CTNNA3: variants seen among roughly 807,000 people sequenced by gnomAD.
CTNNA3 encodes catenin alpha-3.
A neutral mutation model predicts 95.7 loss-of-function variants in CTNNA3; 76 were observed. The observed-to-expected ratio is 0.79, with a 90% CI of 0.66 to 0.96. The LOEUF is 0.96. Ranked by LOEUF, CTNNA3 falls within the 40% of genes least tolerant of loss-of-function variation. The pLI is 0.00. For missense variants in CTNNA3, 1,191 were observed against 1,089.8 expected, an observed-to-expected ratio of 1.09 and a Z score of -1.31; for synonymous variants, 431 against 374.4, an observed-to-expected ratio of 1.15 and a Z score of -1.74.
intron 7 of CTNNA3, among the ~76,000 whole-genome samples, chr10:67,177,650 G>T (rs115160703): frequency 0.016 from 2,480 of 152,234 alleles, 67 homozygotes; most frequent in African/African-American, 0.056. Context: ...GGTGAGCAAG[G>T]TTTGAGTTCA....
At chr10:67,715,268 T>C (rs186415878) in intron 1 of CTNNA3, among the ~76,000 whole-genome samples, 1 of 152,338 alleles carries the variant, frequency 6.6e-6, no homozygotes. Context: ...ATCATGTTAA[T>C]GACTTGGATA....
chr10:67,207,792 A>G (rs1281081584), intron 6 of CTNNA3, among the ~76,000 whole-genome samples: 4 of 152,198 alleles, frequency 2.6e-5, no homozygotes, highest in Admixed American at 2.0e-4. Context: ...ATACTGTATA[A>G]TCTAGATTAA....
At chr10:67,697,940 A>C (rs180987018), upstream of CTNNA3, among the ~76,000 whole-genome samples, 18 of 152,142 alleles carry the variant, frequency 1.2e-4, no homozygotes, top group Non-Finnish European at 2.1e-4. Flanking sequence ...CCTATGTCAA[A>C]TTTCCATAGC....
chr10:66,774,365 G>A (rs1840210332), intron 8 of CTNNA3, among the ~76,000 whole-genome samples: 1 of 152,136 alleles, frequency 6.6e-6, no homozygotes, highest in South Asian at 2.1e-4. Context: ...CTCTTAGGCA[G>A]GTCACCTCAC....
rs146404201 is a variant in CTNNA3 at position 67,438,054 on chromosome 10, A to C, written c.579+83788T>G. ...TGCTAAAAAAAAAGAAAAAGACTGC[A>C]TTTGAAAGAGCAACAAATAATGGCT... is the stretch of plus-strand genomic sequence containing the variant. On this transcript the variant is annotated intron_variant, in intron 5 of 17. Coordinates refer to ENST00000433211, the MANE Select transcript of CTNNA3 (RefSeq NM_013266.4). 6.0e-3 allele frequency among the ~76,000 whole-genome samples: 918 copies of C among 152,282 alleles called. 12 individuals are homozygous for C. The highest frequency in any genetic ancestry group is 0.021 in the African/African-American group (878 of 41,574).
At chr10:66,139,326 T>C (rs2083497920) in intron 13 of CTNNA3, among the ~76,000 whole-genome samples, 1 of 151,910 alleles carries the variant, frequency 6.6e-6, no homozygotes. Context: ...ATAGGCAAGA[T>C]TACCCCTGAT....
intron 10 of CTNNA3, among the ~76,000 whole-genome samples, chr10:66,556,575 A>T (rs1375102790): frequency 6.6e-6 from 1 of 152,074 alleles, no homozygotes; most frequent in East Asian, 1.9e-4. Context: ...ATTTTCAACA[A>T]CATGAATGAA....
chr10:66,919,695 G>T (rs1846686934), intron 7 of CTNNA3, among the ~76,000 whole-genome samples: 1 of 152,162 alleles, frequency 6.6e-6, no homozygotes, highest in Admixed American at 6.5e-5. Flanking sequence ...TGACCAGACA[G>T]GGTTTTTAAT....
intron 11 of CTNNA3, among the ~76,000 whole-genome samples, chr10:66,452,690 A>C (rs2093472108): frequency 6.6e-6 from 1 of 152,150 alleles, no homozygotes; most frequent in Admixed American, 6.5e-5. Context: ...CCTGTGAATA[A>C]CATTATTATT....
chr10:65,966,755 G>A lies in CTNNA3; in HGVS notation c.2266-9C>T. 1 of 1,597,160 alleles carries A rather than the reference G, an allele frequency of 6.3e-7. No individual in the cohort carries two copies. Among genetic ancestry groups the A allele is most frequent in the Non-Finnish European group, 8.6e-7 (1 of 1,167,504 alleles). On this transcript the variant is annotated splice_polypyrimidine_tract_variant and intron_variant, in intron 16 of 17. Transcript: ENST00000433211. ...CAAGATGGATCTGGGCACTAAATAT[G>A]AATCAAAGATAAAAATAGATACAGC...
At chr10:66,987,416 G>A (rs992364082) in intron 7 of CTNNA3, among the ~76,000 whole-genome samples, 4 of 152,132 alleles carry the variant, frequency 2.6e-5, no homozygotes, top group African/African-American at 9.7e-5. Flanking sequence ...ATAGAATGTA[G>A]GGCTGAAGAA....
At chr10:66,019,271 T>C (rs2079153027) in intron 15 of CTNNA3, among the ~76,000 whole-genome samples, 1 of 152,158 alleles carries the variant, frequency 6.6e-6, no homozygotes, top group African/African-American at 2.4e-5. Flanking sequence ...AATGTCTATG[T>C]TTTATAAAAA....
intron 1 of CTNNA3, among the ~76,000 whole-genome samples, chr10:67,703,815 A>C (rs1841060224): frequency 6.6e-6 from 1 of 152,210 alleles, no homozygotes; most frequent in Non-Finnish European, 1.5e-5. Flanking sequence ...GTGTTCAATT[A>C]GGAAAAGAGG....
intron 10 of CTNNA3, among the ~76,000 whole-genome samples, chr10:66,611,342 C>T (rs868007024): frequency 7.9e-5 from 12 of 151,956 alleles, no homozygotes; most frequent in African/African-American, 2.2e-4. Context: ...TCCAATTACC[C>T]TGATTTGATT....
At chr10:66,188,595 C>CTGTGTGTGTGTGTG (rs71035114) in intron 13 of CTNNA3, among the ~76,000 whole-genome samples, 10 of 121,036 alleles carry the variant, frequency 8.3e-5, no homozygotes, top group Admixed American at 3.3e-4. Flanking sequence ...GGGGGGGTCT[C>CTGTGTGTGTGTGTG]TGTGTGTGTG....
At chr10:67,579,384 C>G (rs58188166) in intron 3 of CTNNA3, among the ~76,000 whole-genome samples, 19,432 of 152,038 alleles carry the variant, frequency 0.13, 2,255 homozygotes, top group African/African-American at 0.3. Flanking sequence ...GACATCAACC[C>G]ATCCTTTTTT....
At chr10:66,835,998 A>C (rs537571803) in intron 7 of CTNNA3, among the ~76,000 whole-genome samples, 1 of 152,114 alleles carries the variant, frequency 6.6e-6, no homozygotes, top group Non-Finnish European at 1.5e-5. Flanking sequence ...GAAAAAAAAA[A>C]CAATTAAATT....
chr10:67,513,820 C>T (rs1589378248), intron 5 of CTNNA3, among the ~76,000 whole-genome samples: 1 of 152,246 alleles, frequency 6.6e-6, no homozygotes, highest in East Asian at 1.9e-4. Flanking sequence ...GAAAAGAATG[C>T]TTTTCATACT....
At chr10:67,504,622 A>AGT (rs1007074152) in intron 5 of CTNNA3, among the ~76,000 whole-genome samples, 19 of 152,118 alleles carry the variant, frequency 1.2e-4, no homozygotes, top group African/African-American at 4.6e-4. Flanking sequence ...CATGTTCACA[A>AGT]GTGGTACCTT....
Sources: gnomAD v4.1 joint callset for allele counts (sites outside exome capture counted in the v4.1 genomes callset) on GRCh38, gnomAD v4.1.1 for gene constraint, MANE v1.5 for transcripts, NCBI Gene and HGNC (gene_info 2026-07-23, HGNC 2026-07-21) for gene names.